The following ZNF521 variants were observed in gnomAD, a reference collection of about 807,000 sequenced individuals.
ZNF521 encodes the protein LYST-interacting protein 3.
Under a neutral mutation model 105.5 loss-of-function variants are expected in ZNF521, and 14 were observed. That is an observed-to-expected ratio of 0.13 (90% confidence interval 0.09 to 0.21). ZNF521 has a LOEUF of 0.21. Among genes scored for constraint, ZNF521 ranks in the 10% least tolerant of loss-of-function variants. ZNF521 has a pLI of 1.00. For synonymous variants in ZNF521, 635 were observed against 606.0 expected, an observed-to-expected ratio of 1.05 and a Z score of -0.70; for missense variants, 1,233 against 1,629.7, an observed-to-expected ratio of 0.76 and a Z score of 4.19.
At chr18:25,239,870 T>C (rs948627444) in intron 3 of ZNF521, among the ~76,000 whole-genome samples, 9 of 152,140 alleles carry the variant, frequency 5.9e-5, no homozygotes, top group African/African-American at 2.2e-4. Flanking sequence ...TAGCTCAAGG[T>C]GTCTTATCTC....
chr18:25,269,510 C>T lies in ZNF521; in HGVS notation c.221-41813G>A, dbSNP rs558024305. Among the ~76,000 whole-genome samples the T allele has an allele frequency of 3.3e-5, 5 of 152,292 alleles. No homozygotes were observed. In the East Asian group the frequency reaches 7.7e-4, roughly 23 times the overall value. ...ACATTCTTCTCAGCACCACGTAGCACTTATTCTATAATTGACCACATAATT... is the reference window on the plus strand; with the variant it reads ...ACATTCTTCTCAGCACCACGTAGCATTTATTCTATAATTGACCACATAATT... On this transcript the variant is annotated intron_variant, in intron 3 of 7. Coordinates refer to ENST00000361524, the MANE Select transcript of ZNF521 (RefSeq NM_015461.3).
chr18:25,267,630 G>A (rs535251086), intron 3 of ZNF521, among the ~76,000 whole-genome samples: 2 of 152,284 alleles, frequency 1.3e-5, no homozygotes, highest in African/African-American at 4.8e-5. Flanking sequence ...TGATACCCCG[G>A]CAAACAGGGT....
intron 4 of ZNF521, among the ~76,000 whole-genome samples, chr18:25,204,921 A>G (rs572883511): frequency 3.3e-5 from 5 of 152,186 alleles, no homozygotes; most frequent in East Asian, 1.9e-4. Flanking sequence ...AAAATCTCCC[A>G]TAGTGTTTTC....
chr18:25,104,066 G>A (rs565572478), intron 5 of ZNF521, among the ~76,000 whole-genome samples: 6 of 152,044 alleles, frequency 3.9e-5, no homozygotes, highest in East Asian at 3.9e-4. Flanking sequence ...CTCTTTCTCC[G>A]ATGATAATTC....
At chr18:25,140,516 T>C (rs917408508) in intron 5 of ZNF521, among the ~76,000 whole-genome samples, 4 of 152,170 alleles carry the variant, frequency 2.6e-5, no homozygotes, top group Non-Finnish European at 4.4e-5. Context: ...ACTGACACCA[T>C]TGGCTTTTGT....
chr18:25,344,536 G>A (rs1393590416), intron 2 of ZNF521, among the ~76,000 whole-genome samples: 1 of 152,126 alleles, frequency 6.6e-6, no homozygotes, highest in Non-Finnish European at 1.5e-5. Context: ...GAATTAGAAA[G>A]TTGCATGCAT....
intron 3 of ZNF521, among the ~76,000 whole-genome samples, chr18:25,239,963 T>C (rs1907194025): frequency 6.6e-6 from 1 of 152,092 alleles, no homozygotes; most frequent in African/African-American, 2.4e-5. Flanking sequence ...CCTCAAGCTC[T>C]CTTTTTTTTC....
intron 5 of ZNF521, among the ~76,000 whole-genome samples, chr18:25,177,944 C>T (rs938792995): frequency 1.1e-4 from 16 of 152,260 alleles, no homozygotes; most frequent in African/African-American, 2.9e-4. Context: ...TTTCAATTCC[C>T]TTTGCCTAAC....
intron 5 of ZNF521, among the ~76,000 whole-genome samples, chr18:25,182,157 T>G (rs906660194): frequency 2.6e-5 from 4 of 152,164 alleles, no homozygotes; most frequent in African/African-American, 9.7e-5. Context: ...TTGCAAAACT[T>G]CAGCTTTCAA....
rs139895819 is a variant in ZNF521, at chr18:25,342,461, G to A, written c.40+8446C>T. Among the ~76,000 whole-genome samples, 371 of 147,204 alleles carry A rather than the reference G, an allele frequency of 2.5e-3. 8 individuals are homozygous for A. Among genetic ancestry groups the A allele is most frequent in the Admixed American group, 0.018 (255 of 14,548 alleles). ...TTTTGAGACAGAGTCTCGCTCTGTC[G>A]CCCAGGCTGGAGCCCGGAGTGCAGT... is the stretch of plus-strand genomic sequence containing the variant. On this transcript the variant is annotated intron_variant, in intron 2 of 7. Transcript: ENST00000361524.
intron 3 of ZNF521, among the ~76,000 whole-genome samples, chr18:25,261,120 G>A (rs544061873): frequency 2.0e-5 from 3 of 152,070 alleles, no homozygotes; most frequent in African/African-American, 7.2e-5. Context: ...TTGCATCTCT[G>A]GGAATTCATG....
chr18:25,278,681 T>C (rs967245655), intron 3 of ZNF521, among the ~76,000 whole-genome samples: 4 of 152,184 alleles, frequency 2.6e-5, no homozygotes, highest in African/African-American at 9.7e-5. Context: ...AGAAAAGAAA[T>C]TGCACTGTAA....
chr18:25,106,767 T>G (rs181997650), intron 5 of ZNF521, among the ~76,000 whole-genome samples: 5 of 152,282 alleles, frequency 3.3e-5, no homozygotes, highest in African/African-American at 4.8e-5. Flanking sequence ...TCCTCTTATT[T>G]TAACATAGGG....
intron 4 of ZNF521, among the ~76,000 whole-genome samples, chr18:25,210,395 G>C (rs2036158359): frequency 6.6e-6 from 1 of 152,060 alleles, no homozygotes; most frequent in Admixed American, 6.6e-5. Flanking sequence ...CATGCCCACA[G>C]CAGCAATCTC....
chr18:25,122,211 A>C (rs1387683551), intron 5 of ZNF521, among the ~76,000 whole-genome samples: 1 of 152,180 alleles, frequency 6.6e-6, no homozygotes, highest in South Asian at 2.1e-4. Flanking sequence ...TTAGCAAATT[A>C]AAGACAGAGC....
intron 7 of ZNF521, among the ~76,000 whole-genome samples, chr18:25,070,738 CCT>C (rs994030085): frequency 9.2e-5 from 14 of 151,940 alleles, no homozygotes; most frequent in East Asian, 3.9e-4. Flanking sequence ...AGAAATGTCC[CCT>C]GACACTGCCA....
intron 5 of ZNF521, among the ~76,000 whole-genome samples, chr18:25,189,667 C>T (rs2035785523): frequency 6.6e-6 from 1 of 152,182 alleles, no homozygotes; most frequent in East Asian, 1.9e-4. Context: ...GAATTTGTGG[C>T]CCACACTCCA....
chr18:25,115,930 A>C (rs2034292334), intron 5 of ZNF521, among the ~76,000 whole-genome samples: 1 of 152,224 alleles, frequency 6.6e-6, no homozygotes, highest in East Asian at 1.9e-4. Flanking sequence ...ATAATGCTCT[A>C]GCTATCCTGG....
At chr18:25,211,733 G>A (rs1308669352) in intron 4 of ZNF521, among the ~76,000 whole-genome samples, 2 of 152,122 alleles carry the variant, frequency 1.3e-5, no homozygotes, top group African/African-American at 4.8e-5. Context: ...TATTTTTAAC[G>A]TTGCTGAACA....
Sources: gnomAD v4.1 joint callset for allele counts (sites outside exome capture counted in the v4.1 genomes callset) on GRCh38, gnomAD v4.1.1 for gene constraint, MANE v1.5 for transcripts, NCBI Gene and HGNC (gene_info 2026-07-23, HGNC 2026-07-21) for gene names.